The following LARP1 variants were observed in gnomAD, a reference collection of about 807,000 sequenced individuals.
LARP1 encodes la-related protein 1.
In LARP1, 36 loss-of-function variants were observed where a neutral mutation model predicts 122.7. That is an observed-to-expected ratio of 0.29 (90% CI 0.22 to 0.39). LARP1 has a LOEUF of 0.39. Among genes scored for constraint, LARP1 ranks in the 10% least tolerant of loss-of-function variants. The pLI is 1.00. For synonymous variants in LARP1, 539 were observed against 528.7 expected, an observed-to-expected ratio of 1.02 and a Z score of -0.27; for missense variants, 1,040 against 1,403.6, an observed-to-expected ratio of 0.74 and a Z score of 4.14.
intron 1 of LARP1, among the ~76,000 whole-genome samples, chr5:154,743,985 A>G (rs1753046201): frequency 6.6e-6 from 1 of 152,192 alleles, no homozygotes; most frequent in Non-Finnish European, 1.5e-5. Context: ...CACAGTGCTG[A>G]GTCCTCAGAG....
intron 8 of LARP1, among the ~76,000 whole-genome samples, chr5:154,797,452 C>T (rs1324833330): frequency 3.3e-5 from 5 of 151,588 alleles, no homozygotes; most frequent in African/African-American, 9.7e-5. Context: ...AGGTTGGTCT[C>T]GAACTCCTGA....
rs780344995 is a variant in LARP1, at chr5:154,790,687, G to A, written c.541G>A (p.Glu181Lys). Residue 181 changes from glutamate to lysine, a missense_variant, in exon 3 of 19, where the codon GAG becomes AAG. Around this residue, in one of 8 missense-constraint regions of LARP1, gnomAD observed 257 missense variants for 273.3 expected, o/e 0.94. Transcript: ENST00000518297. ...GDAINWPTPG[E>K]IAHKSVQPQS... ...TGCAATCAATTGGCCCACACCTGGA[G>A]AGATAGCCCACAAGAGTGTTCAGGT... 6.2e-7 allele frequency: 1 copy of A among 1,614,206 alleles called. No individual in the cohort carries two copies.
chr5:154,805,975 A>C lies in LARP1; in HGVS notation c.2641A>C (p.Lys881Gln), dbSNP rs757929142. Reference protein sequence around the residue: ...KFQHPSHELLKENGFTQHVYH... With the variant: ...KFQHPSHELLQENGFTQHVYH... ...CCAGCATCCTTCCCATGAACTGCTC[A>C]AGGAAAATGGCTTCACACAACACGT... The change falls in exon 15 of 19, where the codon AAG becomes CAG. Residue 881 changes from lysine (K) to glutamine (Q), a missense_variant. Transcript: ENST00000518297. 8.7e-6 allele frequency: 14 copies of C among 1,614,064 alleles called. No homozygotes were observed. In the East Asian group the frequency reaches 3.1e-4, roughly 36 times the overall value.
rs1006523726 is a variant in LARP1 at position 154,690,805 on chromosome 5, C to T, written c.-180+7768C>T. 5.8e-4 allele frequency among the ~76,000 whole-genome samples: 88 copies of T among 152,330 alleles called. 2 individuals are homozygous for T. Among genetic ancestry groups the T allele is most frequent in the Admixed American group, 2.4e-3 (36 of 15,302 alleles). ...ACAACGGCCTGGCGGGACAGGGCGC[C>T]TGGAGCCCGTTTCCACCGCCGCACA... is the stretch of plus-strand genomic sequence containing the variant. On this transcript the variant is annotated intron_variant, in intron 1 of 18. Coordinates refer to the LARP1 transcript ENST00000687700.
chr5:154,759,612 C>T (rs1374810119), intron 1 of LARP1, among the ~76,000 whole-genome samples: 1 of 152,170 alleles, frequency 6.6e-6, no homozygotes, highest in Non-Finnish European at 1.5e-5. Context: ...GCCAGCCTAA[C>T]TGGACTGAAA....
intron 2 of LARP1, 64 bp downstream of exon 2, chr5:154,790,450 A>G: frequency 6.7e-7 from 1 of 1,488,242 alleles, no homozygotes; most frequent in South Asian, 1.2e-5. Context: ...TTCCTGTTTT[A>G]GTGAATGCTC....
chr5:154,778,745 TCTTGA>T (rs1481184692), intron 1 of LARP1, among the ~76,000 whole-genome samples: 2 of 152,188 alleles, frequency 1.3e-5, no homozygotes, highest in Non-Finnish European at 2.9e-5. Flanking sequence ...TCAACCAGTC[TCTTGA>T]CTTCTAGCCC....
At chr5:154,733,530 T>C (rs888367939) in intron 1 of LARP1, among the ~76,000 whole-genome samples, 1 of 150,536 alleles carries the variant, frequency 6.6e-6, no homozygotes, top group South Asian at 2.1e-4. Flanking sequence ...GCACAAGCTA[T>C]ATAACCTCTG....
chr5:154,736,316 G>A (rs989492163), intron 1 of LARP1, among the ~76,000 whole-genome samples: 2 of 150,892 alleles, frequency 1.3e-5, no homozygotes, highest in African/African-American at 4.9e-5. Context: ...GGCTGGTCTC[G>A]AGTGCCTGAT....
upstream of LARP1, among the ~76,000 whole-genome samples, chr5:154,709,598 A>AAT (rs1755115265): frequency 1.2e-5 from 1 of 81,350 alleles, no homozygotes; most frequent in African/African-American, 5.1e-5. Context: ...CTCCAGTGAG[A>AAT]TTTTTTTTTT....
intron 1 of LARP1, 64 bp downstream of exon 1, chr5:154,756,257 C>T (rs986467675): frequency 6.3e-6 from 7 of 1,118,684 alleles, no homozygotes; most frequent in African/African-American, 1.7e-5. Context: ...GAGTCCCCTC[C>T]CCCAGCACCT....
intron 1 of LARP1, chr5:154,718,700 A>G (rs1181579789): frequency 6.6e-6 from 1 of 152,264 alleles, no homozygotes; most frequent in Non-Finnish European, 1.5e-5. Flanking sequence ...TAGATCATCT[A>G]GTACAGTAAT....
chr5:154,684,575 G>A (rs2113169189), intron 1 of LARP1, among the ~76,000 whole-genome samples: 1 of 152,260 alleles, frequency 6.6e-6, no homozygotes, highest in East Asian at 1.9e-4. Context: ...TAGCAAGGGT[G>A]TGCACTCCTT....
At chr5:154,797,239 T>TG (rs796673207) in intron 8 of LARP1, among the ~76,000 whole-genome samples, 8 of 135,084 alleles carry the variant, frequency 5.9e-5, no homozygotes, top group African/African-American at 2.2e-4. Flanking sequence ...TTTTTTTTTT[T>TG]TTTTTTTTTT....
intron 8 of LARP1, 45 bp from the exon 9 acceptor site, chr5:154,799,546 C>G: frequency 4.4e-6 from 7 of 1,600,238 alleles, no homozygotes; most frequent in Non-Finnish European, 6.0e-6. Flanking sequence ...ATCTTTCTGT[C>G]CAAGATTTTC....
chr5:154,772,762 A>G (rs1047730071), intron 1 of LARP1, among the ~76,000 whole-genome samples: 1 of 152,168 alleles, frequency 6.6e-6, no homozygotes, highest in Non-Finnish European at 1.5e-5. Context: ...ATCTCAGCTC[A>G]CCACAACCTC....
chr5:154,751,106 T>C (rs1052410250), upstream of LARP1, among the ~76,000 whole-genome samples: 1 of 152,202 alleles, frequency 6.6e-6, no homozygotes, highest in Non-Finnish European at 1.5e-5. Flanking sequence ...ACTTGTTTGG[T>C]ATCTTCCTGA....
At chr5:154,804,359 G>A (rs1758584046) in intron 14 of LARP1, 52 bp downstream of exon 14, 2 of 1,334,208 alleles carry the variant, frequency 1.5e-6, no homozygotes, top group African/African-American at 2.9e-5. Context: ...GGATGGGTGG[G>A]CGAGCCATGA....
chr5:154,787,475 G>T (rs1314803196), intron 1 of LARP1, among the ~76,000 whole-genome samples: 1 of 152,210 alleles, frequency 6.6e-6, no homozygotes, highest in African/African-American at 2.4e-5. Context: ...GGCTGAGATG[G>T]ATAATTGAAT....
Sources: allele counts gnomAD v4.1 joint callset (sites outside exome capture counted in the v4.1 genomes callset), GRCh38; gene constraint gnomAD v4.1.1; regional missense constraint gnomAD v4.1.1; transcripts MANE v1.5; gene names NCBI Gene and HGNC (gene_info 2026-07-23, HGNC 2026-07-21).